CTNNBL1: variants seen among roughly 807,000 people sequenced by gnomAD.
CTNNBL1 encodes beta-catenin-like protein 1.
A neutral mutation model predicts 72.7 loss-of-function variants in CTNNBL1; 31 were observed. The observed-to-expected ratio is 0.43, with a 90% CI of 0.32 to 0.58. The LOEUF (loss-of-function observed/expected upper bound fraction) is 0.58, where lower values mean the gene tolerates loss of function less well. Among genes scored for constraint, CTNNBL1 ranks in the 20% least tolerant of loss-of-function variants. The pLI is 0.08. For synonymous variants in CTNNBL1, 240 were observed against 267.3 expected (o/e 0.90, Z 1.00); for missense variants, 534 against 725.1 (o/e 0.74, Z 3.03).
intron 4 of CTNNBL1, among the ~76,000 whole-genome samples, chr20:37,754,361 T>C (rs555901472): frequency 1.3e-4 from 19 of 142,354 alleles, no homozygotes; most frequent in African/African-American, 3.8e-4. Flanking sequence ...ACTCAGGCAA[T>C]CCTCCTGCCT....
intron 11 of CTNNBL1, among the ~76,000 whole-genome samples, chr20:37,833,344 G>A (rs1366895195): frequency 1.3e-5 from 2 of 152,202 alleles, no homozygotes; most frequent in Non-Finnish European, 2.9e-5. Flanking sequence ...GGGGAAGGGT[G>A]GGCCAGAGCC....
intron 10 of CTNNBL1, among the ~76,000 whole-genome samples, chr20:37,790,668 T>G (rs1600489873): frequency 6.6e-6 from 1 of 152,232 alleles, no homozygotes; most frequent in Non-Finnish European, 1.5e-5. Context: ...GAAAGTGCTG[T>G]GGCAAAGAAG....
At chr20:37,710,570 C>T (rs566839346) in intron 1 of CTNNBL1, among the ~76,000 whole-genome samples, 2 of 152,304 alleles carry the variant, frequency 1.3e-5, no homozygotes, top group South Asian at 4.1e-4. Flanking sequence ...CTTTGCCCCC[C>T]CCACTGCCAT....
chr20:37,859,357 CAAA>C (rs1213162547), intron 13 of CTNNBL1, among the ~76,000 whole-genome samples: 3 of 110,534 alleles, frequency 2.7e-5, no homozygotes, highest in Non-Finnish European at 3.9e-5. Flanking sequence ...AACTCCATCT[CAAA>C]AAAAAAAAAA....
chr20:37,775,907 T>C (rs112185206), intron 7 of CTNNBL1, among the ~76,000 whole-genome samples: 268 of 152,380 alleles, frequency 1.8e-3, no homozygotes, highest in Non-Finnish European at 3.2e-3. Context: ...GCCCTTGCAA[T>C]GCTAATGTAT....
intron 11 of CTNNBL1, among the ~76,000 whole-genome samples, chr20:37,829,591 T>C (rs766018241): frequency 2.0e-5 from 3 of 152,182 alleles, no homozygotes; most frequent in African/African-American, 7.2e-5. Flanking sequence ...TCCTGCGACA[T>C]TGATCTCTTT....
intron 13 of CTNNBL1, among the ~76,000 whole-genome samples, chr20:37,858,547 T>G (rs2122856314): frequency 6.6e-6 from 1 of 152,332 alleles, no homozygotes; most frequent in South Asian, 2.1e-4. Flanking sequence ...GGCCCTGAGC[T>G]GTCTTGGCAG....
chr20:37,734,412 C>G lies in CTNNBL1; in HGVS notation c.219+1345C>G, dbSNP rs73621919. 2.2e-3 allele frequency among the ~76,000 whole-genome samples: 341 copies of G among 152,270 alleles called. 10 individuals are homozygous for G. In the East Asian group the frequency reaches 0.063, roughly 28 times the overall value. Reference sequence around the variant, plus strand: ...CATCCTCCCTCCCTTCCCTCCTCACCAGCTTCTGCTCAATCTGTTAGCCCT... The same window carrying G: ...CATCCTCCCTCCCTTCCCTCCTCACGAGCTTCTGCTCAATCTGTTAGCCCT... On this transcript the variant is annotated intron_variant, in intron 2 of 15. Transcript: ENST00000361383.
chr20:37,697,029 A>G (rs1000773978), intron 1 of CTNNBL1, among the ~76,000 whole-genome samples: 14 of 151,450 alleles, frequency 9.2e-5, no homozygotes, highest in Admixed American at 5.3e-4. Flanking sequence ...TAAAAATATA[A>G]AAAATTAGCC....
rs6020821 is a variant in CTNNBL1 at position 37,773,307 on chromosome 20, C to A, written c.751-4038C>A. ...TGTTCCAGGTAGCAGAGGTGAGCTA[C>A]AGATATAACCTGCAGCTTCTGGCTG... On this transcript the variant is annotated intron_variant, in intron 7 of 15. Transcript: ENST00000361383. 3.2e-3 allele frequency among the ~76,000 whole-genome samples: 494 copies of A among 152,324 alleles called. 7 individuals are homozygous for A. Among genetic ancestry groups the A allele is most frequent in the African/African-American group, 0.011 (446 of 41,572 alleles).
chr20:37,742,628 G>A (rs1163471545), intron 3 of CTNNBL1, among the ~76,000 whole-genome samples: 1 of 152,022 alleles, frequency 6.6e-6, no homozygotes, highest in Non-Finnish European at 1.5e-5. Flanking sequence ...CTTTTGAATT[G>A]ATTCTGTCAG....
intron 14 of CTNNBL1, 96 bp downstream of exon 14, chr20:37,860,132 C>T (rs781495164): frequency 4.1e-5 from 63 of 1,522,076 alleles, no homozygotes; most frequent in African/African-American, 5.5e-5. Context: ...AAGGGGGTCA[C>T]GCTCTCCTTG....
At chr20:37,761,552 AT>A (rs2073417755) in intron 5 of CTNNBL1, among the ~76,000 whole-genome samples, 1 of 152,196 alleles carries the variant, frequency 6.6e-6, no homozygotes. Context: ...AGCAAAATTC[AT>A]TTGTTCATTT....
At chr20:37,728,642 TGAA>T (rs777655237) in intron 1 of CTNNBL1, among the ~76,000 whole-genome samples, 1 of 152,200 alleles carries the variant, frequency 6.6e-6, no homozygotes, top group Non-Finnish European at 1.5e-5. Flanking sequence ...AGAAGAGAAA[TGAA>T]GAGAAGTTCT....
At chr20:37,773,625 G>A (rs930608828) in intron 7 of CTNNBL1, among the ~76,000 whole-genome samples, 8 of 152,196 alleles carry the variant, frequency 5.3e-5, no homozygotes, top group Non-Finnish European at 1.0e-4. Context: ...GTTTGGTATT[G>A]TGCAATCTCT....
At chr20:37,741,803 G>C (rs1280643773) in intron 3 of CTNNBL1, among the ~76,000 whole-genome samples, 1 of 152,124 alleles carries the variant, frequency 6.6e-6, no homozygotes, top group Non-Finnish European at 1.5e-5. Flanking sequence ...CATAACACTG[G>C]ACCCAGTATA....
intron 10 of CTNNBL1, among the ~76,000 whole-genome samples, chr20:37,800,596 A>G (rs2073815945): frequency 6.6e-6 from 1 of 152,088 alleles, no homozygotes; most frequent in East Asian, 1.9e-4. Context: ...TTTTTTGTTC[A>G]TTTATTTTAA....
intron 10 of CTNNBL1, 80 bp downstream of exon 10, chr20:37,779,415 A>G (rs1321306958): frequency 1.1e-5 from 17 of 1,494,222 alleles, no homozygotes; most frequent in South Asian, 8.3e-5. Context: ...GCATGTAGCT[A>G]TGATCATTTA....
chr20:37,791,461 AT>A (rs1481689694), intron 10 of CTNNBL1, among the ~76,000 whole-genome samples: 1 of 152,196 alleles, frequency 6.6e-6, no homozygotes, highest in Non-Finnish European at 1.5e-5. Context: ...ATGACTAATG[AT>A]GTCAGGTGTC....
Sources: allele counts gnomAD v4.1 joint callset (sites outside exome capture counted in the v4.1 genomes callset), GRCh38; gene constraint gnomAD v4.1.1; transcripts MANE v1.5; gene names NCBI Gene and HGNC (gene_info 2026-07-23, HGNC 2026-07-21).